Variants in ARHGEF10 observed in about 807,000 individuals in gnomAD.
The protein encoded by ARHGEF10 is Rho guanine nucleotide exchange factor 10, also known as Rho guanine nucleotide exchange factor (GEF) 10.
In ARHGEF10, 140 loss-of-function variants were observed where a neutral mutation model predicts 147.4. The observed-to-expected ratio is 0.95, with a 90% CI of 0.83 to 1.09. The LOEUF (loss-of-function observed/expected upper bound fraction) is 1.09, where lower values mean the gene tolerates loss of function less well. ARHGEF10 is among the 50% of genes least tolerant of loss of function. ARHGEF10 has a pLI of 0.00. For synonymous variants in ARHGEF10, 902 were observed against 695.8 expected, an observed-to-expected ratio of 1.30 and a Z score of -4.67; for missense variants, 2,222 against 1,752.7, an observed-to-expected ratio of 1.27 and a Z score of -4.78.
In ARHGEF10 at chr8:1,942,963, G is replaced by C. The variant is rs184454829; in HGVS notation, c.3223-2518G>C. On this transcript the variant is annotated intron_variant, in intron 26 of 28. Transcript: ENST00000349830. ...GGCATAAGGGTGATAAAATGTTCTG[G>C]AATTCAAGAGTGGTTAAAGTTGGCA... Among the ~76,000 whole-genome samples, 416 of 152,276 alleles carry C rather than the reference G, an allele frequency of 2.7e-3. 5 individuals carry two copies. The highest frequency in any genetic ancestry group is 0.027 in the South Asian group (128 of 4,818).
intron 2 of ARHGEF10, among the ~76,000 whole-genome samples, chr8:1,845,940 C>A (rs914079111): frequency 6.6e-6 from 1 of 152,242 alleles, no homozygotes; most frequent in African/African-American, 2.4e-5. Flanking sequence ...TAGCCCCTCC[C>A]TCTGCCCAGA....
At chr8:1,848,078 A>C (rs1027681216) in intron 2 of ARHGEF10, among the ~76,000 whole-genome samples, 2 of 152,232 alleles carry the variant, frequency 1.3e-5, no homozygotes, top group Non-Finnish European at 2.9e-5. Flanking sequence ...TGCTGGGACC[A>C]GAGCCACCAG....
At chr8:1,859,597 C>G (rs1805921414) in intron 3 of ARHGEF10, among the ~76,000 whole-genome samples, 1 of 149,880 alleles carries the variant, frequency 6.7e-6, no homozygotes, top group African/African-American at 2.4e-5. Context: ...GTGTGTAGCA[C>G]CAGACTCTTG....
intron 4 of ARHGEF10, among the ~76,000 whole-genome samples, chr8:1,860,446 GC>G (rs1806029398): frequency 7.0e-6 from 1 of 143,552 alleles, no homozygotes. Context: ...TAGAGTCTGG[GC>G]CTGACCTTCC....
chr8:1,918,422 A>C (rs1811920274), intron 18 of ARHGEF10, among the ~76,000 whole-genome samples: 1 of 151,280 alleles, frequency 6.6e-6, no homozygotes, highest in South Asian at 2.1e-4. Flanking sequence ...CTAGGGAAAG[A>C]GTATTCTCCC....
chr8:1,949,371 A>G (rs972357493), intron 27 of ARHGEF10, among the ~76,000 whole-genome samples: 22 of 152,214 alleles, frequency 1.4e-4, no homozygotes, highest in African/African-American at 4.8e-4. Context: ...ACAGTTGATG[A>G]AGGTCTGTGA....
chr8:1,849,556 A>ACAGAGG (rs1804845293), intron 2 of ARHGEF10, among the ~76,000 whole-genome samples: 3 of 122,334 alleles, frequency 2.5e-5, no homozygotes. Context: ...GGGCATGGAC[A>ACAGAGG]GCAAATGCTG....
chr8:1,878,781 C>G (rs1358248392), intron 8 of ARHGEF10, among the ~76,000 whole-genome samples: 1 of 152,182 alleles, frequency 6.6e-6, no homozygotes, highest in African/African-American at 2.4e-5. Flanking sequence ...CAGAGGAGCC[C>G]TTGACTGTCT....
At chr8:1,876,533 C>G (rs1180410049) in intron 7 of ARHGEF10, 38 bp from the exon 8 acceptor site, 55 of 1,603,096 alleles carry the variant, frequency 3.4e-5, no homozygotes, top group Non-Finnish European at 4.6e-5. Context: ...ACATGGAATT[C>G]TAAAGTTTTA....
At chr8:1,955,895 C>T (rs1815525350) in intron 28 of ARHGEF10, among the ~76,000 whole-genome samples, 1 of 152,252 alleles carries the variant, frequency 6.6e-6, no homozygotes, top group African/African-American at 2.4e-5. Flanking sequence ...TGTCCCTGCA[C>T]AGTCCCCCCA....
intron 10 of ARHGEF10, among the ~76,000 whole-genome samples, chr8:1,885,003 G>A (rs1038466350): frequency 2.6e-5 from 4 of 152,136 alleles, no homozygotes; most frequent in Admixed American, 1.3e-4. Context: ...AGGCTCAAGC[G>A]ATTCTACCAT....
At chr8:1,906,656 C>A (rs1033547453) in intron 17 of ARHGEF10, among the ~76,000 whole-genome samples, 2 of 152,166 alleles carry the variant, frequency 1.3e-5, no homozygotes, top group African/African-American at 4.8e-5. Flanking sequence ...ACTGCACATC[C>A]ACCTTCTCTG....
At chr8:1,840,006 G>GGGAC (rs1803887964) in intron 1 of ARHGEF10, among the ~76,000 whole-genome samples, 1 of 148,730 alleles carries the variant, frequency 6.7e-6, no homozygotes, top group African/African-American at 2.5e-5. Context: ...GTCTGGTGTG[G>GGGAC]AAGCTGTCCG....
chr8:1,851,878 C>T (rs1039632818), intron 2 of ARHGEF10, among the ~76,000 whole-genome samples: 1 of 151,384 alleles, frequency 6.6e-6, no homozygotes, highest in Non-Finnish European at 1.5e-5. Flanking sequence ...CGCAATACTG[C>T]ACTCCAGCGC....
In ARHGEF10 at chr8:1,876,626, G is replaced by C. The variant is rs148131631; in HGVS notation, c.735G>C (p.Leu245Phe). ...GGGATGAAGGTGGAAACAGCTCCTTGGAATACGGATGGAGTTCGAGTGAAT... is the reference window on the plus strand; with the variant it reads ...GGGATGAAGGTGGAAACAGCTCCTTCGAATACGGATGGAGTTCGAGTGAAT... ...ENGDEGGNSS[L>F]EYGWSSSEFE... The change falls in exon 8 of 29, where the codon TTG becomes TTC. Residue 245 changes from leucine (L) to phenylalanine (F), a missense_variant. Leu to Phe is a conservative substitution (Grantham distance 22). Coordinates refer to ENST00000349830, the MANE Select transcript of ARHGEF10 (RefSeq NM_014629.4). The C allele has an allele frequency of 1.2e-3, 1,969 of 1,614,196 alleles. 26 individuals carry two copies. Among genetic ancestry groups the C allele is most frequent in the Non-Finnish European group, 1.4e-4 (164 of 1,180,012 alleles).
At chr8:1,840,200 A>C (rs1416055399) in intron 1 of ARHGEF10, among the ~76,000 whole-genome samples, 1 of 127,668 alleles carries the variant, frequency 7.8e-6, no homozygotes, top group Non-Finnish European at 1.6e-5. Flanking sequence ...CTGGTGTGGA[A>C]GCTGTCCGAT....
chr8:1,865,381 T>A (rs1458927922), intron 5 of ARHGEF10, among the ~76,000 whole-genome samples: 12 of 144,868 alleles, frequency 8.3e-5, no homozygotes, highest in Admixed American at 8.2e-4. Flanking sequence ...ACACGGGGCA[T>A]CCCCCAGCAC....
chr8:1,873,164 C>G (rs1208609380), intron 7 of ARHGEF10, among the ~76,000 whole-genome samples: 1 of 152,084 alleles, frequency 6.6e-6, no homozygotes, highest in African/African-American at 2.4e-5. Context: ...GGGCAGGGAG[C>G]CAGTTTCCGA....
intron 1 of ARHGEF10, chr8:1,826,259 TC>T (rs1802761573): frequency 1.1e-6 from 1 of 891,676 alleles, no homozygotes; most frequent in Non-Finnish European, 1.8e-6. Flanking sequence ...ATGCTTGACT[TC>T]CAGATGTAAC....
Sources: gnomAD v4.1 joint callset for allele counts (sites outside exome capture counted in the v4.1 genomes callset) on GRCh38, gnomAD v4.1.1 for gene constraint, MANE v1.5 for transcripts, NCBI Gene and HGNC (gene_info 2026-07-23, HGNC 2026-07-21) for gene names.